Variants in DLG2 observed in about 807,000 individuals in gnomAD.
The protein encoded by DLG2 is disks large homolog 2.
Under a neutral mutation model 132.5 loss-of-function variants are expected in DLG2, and 45 were observed. The ratio of observed to expected loss-of-function variants is 0.34; its 90% CI spans 0.27 to 0.44. The LOEUF (loss-of-function observed/expected upper bound fraction) is 0.44, where lower values mean the gene tolerates loss of function less well. Among genes scored for constraint, DLG2 ranks in the 20% least tolerant of loss-of-function variants. The pLI is 1.00. For missense variants in DLG2, 1,045 were observed against 1,196.9 expected, an observed-to-expected ratio of 0.87 and a Z score of 1.87; for synonymous variants, 424 against 419.6, an observed-to-expected ratio of 1.01 and a Z score of -0.13.
intron 18 of DLG2, among the ~76,000 whole-genome samples, chr11:83,752,559 T>G (rs969888610): frequency 6.6e-6 from 1 of 152,008 alleles, no homozygotes; most frequent in Non-Finnish European, 1.5e-5. Flanking sequence ...AAAATTTTGG[T>G]GAGTGGTGGG....
intron 6 of DLG2, among the ~76,000 whole-genome samples, chr11:84,942,636 C>T (rs75874113): frequency 0.011 from 1,748 of 152,180 alleles, 23 homozygotes; most frequent in Non-Finnish European, 0.017. Flanking sequence ...TGTTTCATGG[C>T]CCAACATATG....
intron 2 of DLG2, among the ~76,000 whole-genome samples, chr11:85,618,532 G>A (rs528034184): frequency 5.9e-5 from 9 of 152,164 alleles, no homozygotes; most frequent in South Asian, 4.1e-4. Context: ...ACAAAATACC[G>A]CATGTTCTTA....
chr11:83,753,420 C>A (rs1411306076), intron 18 of DLG2, among the ~76,000 whole-genome samples: 1 of 151,978 alleles, frequency 6.6e-6, no homozygotes, highest in Non-Finnish European at 1.5e-5. Context: ...AAGGCTCTCT[C>A]TCTCAAAAAC....
In DLG2 at chr11:85,163,509, T is replaced by C. The variant is rs537163097; in HGVS notation, c.187-8858A>G. On this transcript the variant is annotated intron_variant, in intron 4 of 27. Transcript: ENST00000376104. ...TGAAGGCTTCCTGAAAGATGTAACA[T>C]TGAAATAATACTGAAGACAAAGGAG... 5.9e-5 allele frequency among the ~76,000 whole-genome samples: 9 copies of C among 152,254 alleles called. No homozygotes were observed. In the South Asian group the frequency reaches 8.3e-4, roughly 14 times the overall value.
chr11:84,149,345 T>C (rs952742465), intron 9 of DLG2, among the ~76,000 whole-genome samples: 1 of 152,192 alleles, frequency 6.6e-6, no homozygotes, highest in Admixed American at 6.6e-5. Context: ...ATTTTTATAG[T>C]TTGAGGTCTT....
At chr11:85,197,272 TTC>T (rs1174008250) in intron 4 of DLG2, among the ~76,000 whole-genome samples, 2 of 152,228 alleles carry the variant, frequency 1.3e-5, no homozygotes, top group East Asian at 1.9e-4. Flanking sequence ...AGAACCAGAG[TTC>T]TGTTTTTTTC....
At chr11:83,794,741 T>G (rs2042378045) in intron 17 of DLG2, among the ~76,000 whole-genome samples, 1 of 152,148 alleles carries the variant, frequency 6.6e-6, no homozygotes, top group Non-Finnish European at 1.5e-5. Flanking sequence ...ACTCACTGAC[T>G]TACTCAAATT....
In DLG2 at chr11:83,864,149, T is replaced by C. The variant is rs552670656; in HGVS notation, c.1565+10271A>G. On this transcript the variant is annotated intron_variant, in intron 16 of 27. Coordinates refer to ENST00000376104, the MANE Select transcript of DLG2 (RefSeq NM_001142699.3). ...CAACTTCTTTAGTTTAAAGAGGGTG[T>C]TCATTTACCCTTCAGGTTTGGTAAT... Among the ~76,000 whole-genome samples, 6 of 152,314 alleles carry C rather than the reference T, an allele frequency of 3.9e-5. No homozygotes were observed. The East Asian group carries it at 1.2e-3, about 29-fold the overall frequency.
intron 19 of DLG2, among the ~76,000 whole-genome samples, chr11:83,568,387 G>A (rs1229704570): frequency 6.6e-6 from 1 of 152,058 alleles, no homozygotes; most frequent in African/African-American, 2.4e-5. Flanking sequence ...GTGAGCATGA[G>A]GTACCTAGGG....
At chr11:83,810,423 G>A (rs1413053420) in intron 17 of DLG2, among the ~76,000 whole-genome samples, 1 of 152,056 alleles carries the variant, frequency 6.6e-6, no homozygotes, top group Non-Finnish European at 1.5e-5. Flanking sequence ...TTATTGATGA[G>A]TAGATAATAC....
intron 6 of DLG2, among the ~76,000 whole-genome samples, chr11:84,698,715 G>T (rs117716476): frequency 6.6e-6 from 1 of 151,374 alleles, no homozygotes; most frequent in African/African-American, 2.4e-5. Flanking sequence ...ACATATATAA[G>T]AATCCTTTTA....
chr11:85,124,126 A>T lies in DLG2; in HGVS notation c.283-12391T>A, dbSNP rs190188534. Among the ~76,000 whole-genome samples, 21 of 152,360 alleles carry T rather than the reference A, an allele frequency of 1.4e-4. No homozygotes were observed. The East Asian group carries it at 3.7e-3, about 27-fold the overall frequency. ...CACCATCAGCTGCTATTTATTGGCTATGTGTATACATAGTTGCTACACTAA... is the reference window on the plus strand; with the variant it reads ...CACCATCAGCTGCTATTTATTGGCTTTGTGTATACATAGTTGCTACACTAA... On this transcript the variant is annotated intron_variant, in intron 5 of 27. Coordinates refer to ENST00000376104, the MANE Select transcript of DLG2 (RefSeq NM_001142699.3).
chr11:83,820,054 A>G (rs1466729030), intron 17 of DLG2, among the ~76,000 whole-genome samples: 2 of 152,214 alleles, frequency 1.3e-5, no homozygotes, highest in African/African-American at 4.8e-5. Flanking sequence ...CAGTTTTAAT[A>G]CTGTGATCAA....
intron 4 of DLG2, among the ~76,000 whole-genome samples, chr11:85,242,129 G>A (rs999752937): frequency 2.6e-5 from 4 of 151,850 alleles, no homozygotes; most frequent in Non-Finnish European, 4.4e-5. Context: ...ATCTTTAATA[G>A]GAGAATAAAT....
intron 6 of DLG2, among the ~76,000 whole-genome samples, chr11:84,886,276 A>G (rs1304904833): frequency 6.6e-6 from 1 of 152,048 alleles, no homozygotes; most frequent in Non-Finnish European, 1.5e-5. Flanking sequence ...CTACTTTCAA[A>G]TTTTCATGTC....
Position 85,477,561 on chromosome 11 carries a change from T to A in DLG2, c.40+121096A>T, listed in dbSNP as rs78062814. Among the ~76,000 whole-genome samples, 24 of 152,218 alleles carry A rather than the reference T, an allele frequency of 1.6e-4. 1 individual carries two copies. The highest frequency in any genetic ancestry group is 1.4e-3 in the Admixed American group (21 of 15,276). ...ATCTAATCTTTGCCACCATTTCTTTTTTCTGGCTAGTGTTTCTGAGTTACT... is the reference window on the plus strand; with the variant it reads ...ATCTAATCTTTGCCACCATTTCTTTATTCTGGCTAGTGTTTCTGAGTTACT... On this transcript the variant is annotated intron_variant, in intron 3 of 27. Transcript: ENST00000376104.
intron 3 of DLG2, among the ~76,000 whole-genome samples, chr11:85,492,037 G>A (rs2093571717): frequency 6.6e-6 from 1 of 151,956 alleles, no homozygotes; most frequent in East Asian, 1.9e-4. Context: ...CTCTCATAAA[G>A]CCAGACACAT....
chr11:84,129,731 G>T (rs1300630978), intron 9 of DLG2, among the ~76,000 whole-genome samples: 1 of 151,786 alleles, frequency 6.6e-6, no homozygotes, highest in Non-Finnish European at 1.5e-5. Context: ...TTAACCTAAG[G>T]TTTACAGGGA....
intron 5 of DLG2, among the ~76,000 whole-genome samples, chr11:85,154,135 G>GA (rs34094958): frequency 0.28 from 16,081 of 57,798 alleles, 3,605 homozygotes; most frequent in Non-Finnish European, 0.41. Flanking sequence ...TTCTTTTGGA[G>GA]AAAAAAAAAA....
Sources: gnomAD v4.1 joint callset for allele counts (sites outside exome capture counted in the v4.1 genomes callset) on GRCh38, gnomAD v4.1.1 for gene constraint, MANE v1.5 for transcripts, NCBI Gene and HGNC (gene_info 2026-07-23, HGNC 2026-07-21) for gene names.